The following GCFC2 variants were observed in gnomAD, a reference collection of about 807,000 sequenced individuals.
GCFC2 encodes intron Large complex component GCFC2.
A neutral mutation model predicts 99.4 loss-of-function variants in GCFC2; 102 were observed. That is an observed-to-expected ratio of 1.03 (90% CI 0.87 to 1.21). GCFC2 has a LOEUF of 1.21. GCFC2 is among the 50% of genes most tolerant of loss of function. GCFC2 has a pLI of 0.00. For synonymous variants in GCFC2, 338 were observed against 316.8 expected, an observed-to-expected ratio of 1.07 and a Z score of -0.71; for missense variants, 973 against 920.9, an observed-to-expected ratio of 1.06 and a Z score of -0.73.
At chr2:75,687,418 A>T (rs1022959653) in intron 11 of GCFC2, among the ~76,000 whole-genome samples, 3 of 152,142 alleles carry the variant, frequency 2.0e-5, no homozygotes, top group Non-Finnish European at 2.9e-5. Flanking sequence ...TAGAACAGAG[A>T]AGGTAAGTGA....
chr2:75,674,625 TTATTCA>T (rs1372899024), intron 12 of GCFC2, among the ~76,000 whole-genome samples: 1 of 151,996 alleles, frequency 6.6e-6, no homozygotes, highest in Non-Finnish European at 1.5e-5. Context: ...AATGATATTC[TTATTCA>T]TATTTGAAAA....
In GCFC2 at chr2:75,673,441, TA is replaced by T; in HGVS notation, c.1889+2del. On this transcript the variant is annotated splice_donor_variant, in intron 13 of 16. Coordinates refer to ENST00000321027, the MANE Select transcript of GCFC2 (RefSeq NM_003203.5). LOFTEE classifies it high-confidence loss of function. ...CAACAATCTAGAAATTAACAGCGCT[TA>T]CCTCTTTGGATACAGAGGAATAAAA... is the stretch of plus-strand genomic sequence containing the variant. The T allele has an allele frequency of 7.8e-7, 1 of 1,277,898 alleles. No individual in the cohort carries two copies. Among genetic ancestry groups the T allele is most frequent in the Non-Finnish European group, 1.1e-6 (1 of 874,448 alleles). The allele number at this position is 1,277,898 out of a possible 1,614,324, so 79.2% of individuals were successfully genotyped here. A position where few individuals can be genotyped will look rare whatever the true frequency, so the allele number is the denominator to read the frequency against.
chr2:75,688,045 A>AT, intron 10 of GCFC2, 68 bp from the exon 11 acceptor site: 1 of 938,784 alleles, frequency 1.1e-6, no homozygotes, highest in Non-Finnish European at 1.6e-6. Flanking sequence ...AATAGTTATT[A>AT]TTTTTTTCAA....
chr2:75,682,952 C>T (rs1403332831), intron 11 of GCFC2, among the ~76,000 whole-genome samples: 4 of 151,672 alleles, frequency 2.6e-5, no homozygotes, highest in African/African-American at 9.7e-5. Context: ...TGTGAAAAGA[C>T]CAAATCTATG....
At chr2:75,711,717 G>A (rs1345259313), upstream of GCFC2, among the ~76,000 whole-genome samples, 3 of 152,226 alleles carry the variant, frequency 2.0e-5, no homozygotes, top group Non-Finnish European at 2.9e-5. Flanking sequence ...TTGGCACCCG[G>A]GCCAGCGGCT....
chr2:75,689,202 T>C lies in GCFC2; in HGVS notation c.1363A>G (p.Lys455Glu), dbSNP rs1371586137. The change falls in exon 10 of 17, where the codon AAA becomes GAA. Residue 455 changes from lysine to glutamate, a missense_variant. By Grantham distance (56) the Lys-to-Glu change is moderately conservative. Coordinates refer to ENST00000321027, the MANE Select transcript of GCFC2 (RefSeq NM_003203.5). ...SQGDILQKQKKVFEEVQDDFC... is the reference protein window; with the variant it reads ...SQGDILQKQKEVFEEVQDDFC... ...TCATCTTGCACTTCTTCAAAAACTT[T>C]CTTCTGTTTCTGTAAAATGTCACCT... is the stretch of plus-strand genomic sequence containing the variant. 1.4e-5 allele frequency: 23 copies of C among 1,594,514 alleles called. No homozygotes were observed. The East Asian group carries it at 3.1e-4, about 22-fold the overall frequency.
intron 13 of GCFC2, among the ~76,000 whole-genome samples, chr2:75,672,763 G>C (rs985266640): frequency 2.6e-5 from 4 of 152,110 alleles, no homozygotes; most frequent in Admixed American, 2.0e-4. Flanking sequence ...CTGTGAGGTA[G>C]GCACTAATTT....
intron 9 of GCFC2, 72 bp from the exon 10 acceptor site, chr2:75,689,297 C>A: frequency 2.6e-6 from 2 of 779,294 alleles, no homozygotes; most frequent in South Asian, 3.2e-5. Context: ...AAAACACGGT[C>A]ATGATGGACT....
chr2:75,710,565 C>T (rs1255751112), intron 1 of GCFC2, 26 bp downstream of exon 1: 3 of 1,479,006 alleles, frequency 2.0e-6, no homozygotes, highest in Non-Finnish European at 2.7e-6. Context: ...CGTCACCTCC[C>T]CGCTTCCCCG....
Position 75,692,000 on chromosome 2 carries a change from G to T in GCFC2, c.1121C>A (p.Ser374Ter). The T allele has an allele frequency of 1.3e-6, 2 of 1,545,084 alleles. No homozygotes were observed. Among genetic ancestry groups the T allele is most frequent in the South Asian group, 2.5e-5 (2 of 79,630 alleles). Reference protein sequence around the residue: ...KRRQDELKHESTYLQQLSRKD... With the variant: ...KRRQDELKHE ...ACGTGATAACTGTTGTAAATACGTT[G>T]ATTCATGTTTTAATTCATCTTGCCT... Residue 374 changes from serine to a stop codon, truncating the protein, a stop_gained, in exon 7 of 17, where the codon TCA (serine) becomes TAA (stop). Coordinates refer to ENST00000321027, the MANE Select transcript of GCFC2 (RefSeq NM_003203.5). LOFTEE classifies it high-confidence loss of function.
In GCFC2 at chr2:75,710,833, G is replaced by A; in HGVS notation, c.23C>T (p.Thr8Ile). MAHRPKRTFRQRAADSSD... is the reference protein window; with the variant it reads MAHRPKRIFRQRAADSSD... ...GGAATCAGCCGCGCGCTGCCGAAAA[G>A]TCCTTTTCGGCCTGTGAGCCATGGC... The change falls in exon 1 of 17, where the codon ACT (threonine) becomes ATT (isoleucine). Residue 8 changes from threonine to isoleucine, a missense_variant. Transcript: ENST00000321027. 2 of 1,577,334 alleles carry A rather than the reference G, an allele frequency of 1.3e-6. No individual in the cohort carries two copies. The highest frequency in any genetic ancestry group is 8.5e-7 in the Non-Finnish European group (1 of 1,169,752).
At chr2:75,685,760 GA>G in intron 11 of GCFC2, among the ~76,000 whole-genome samples, 1 of 97,394 alleles carries the variant, frequency 1.0e-5, no homozygotes, top group East Asian at 2.3e-4. Flanking sequence ...CCCCCTTTAA[GA>G]CTCATGTATT....
At chr2:75,675,397 A>G (rs747344765) in intron 12 of GCFC2, among the ~76,000 whole-genome samples, 1 of 152,228 alleles carries the variant, frequency 6.6e-6, no homozygotes, top group Non-Finnish European at 1.5e-5. Flanking sequence ...CTTATTCATG[A>G]AAGTTTTCTT....
Position 75,672,022 on chromosome 2 carries a change from T to TA in GCFC2, c.1890-7dup, listed in dbSNP as rs779865744. The TA allele has an allele frequency of 2.7e-6, 4 of 1,502,642 alleles. No individual in the cohort carries two copies. In the Admixed American group the frequency reaches 5.0e-5, roughly 19 times the overall value. The allele number at this position is 1,502,642 out of a possible 1,614,324, so 93.1% of individuals were successfully genotyped here. On this transcript the variant is annotated splice_polypyrimidine_tract_variant and splice_region_variant and intron_variant, in intron 13 of 16. Transcript: ENST00000321027. ...ATGTTTTGTTTTCTACAGCACTAAT[T>TA]AGAAACAAACGAAAGAGAAGAGAAA...
Position 75,692,028 on chromosome 2 carries a change from G to A in GCFC2, c.1093C>T (p.Arg365Cys), listed in dbSNP as rs139984043. 8.0e-5 allele frequency: 124 copies of A among 1,558,372 alleles called. No homozygotes were observed. In the Admixed American group the frequency reaches 8.1e-4, roughly 10 times the overall value. Residue 365 changes from arginine to cysteine, a missense_variant, in exon 7 of 17, where the codon CGC becomes TGC. Physicochemically the swap from Arg to Cys is radical, Grantham distance 180. Coordinates refer to ENST00000321027, the MANE Select transcript of GCFC2 (RefSeq NM_003203.5). Reference protein sequence around the residue: ...LLKQAMTFMKRRQDELKHEST... With the variant: ...LLKQAMTFMKCRQDELKHEST... ...TCATGTTTTAATTCATCTTGCCTGC[G>A]TTTCATAAAGGTCATAGCTTGTTTT...
intron 5 of GCFC2, 183 bp from the exon 6 acceptor site, chr2:75,694,610 T>A: frequency 2.9e-6 from 1 of 350,434 alleles, no homozygotes; most frequent in East Asian, 4.3e-5. Flanking sequence ...GGCCAAATAT[T>A]CTCTCTTCAA....
At chr2:75,704,837 G>A (rs1340625779) in intron 2 of GCFC2, among the ~76,000 whole-genome samples, 1 of 152,006 alleles carries the variant, frequency 6.6e-6, no homozygotes, top group African/African-American at 2.4e-5. Flanking sequence ...CACCATGCCT[G>A]GCTAATTTTT....
rs1573089444 is a variant in GCFC2, at chr2:75,701,890, T to C, written c.619+309A>G. The C allele has an allele frequency of 6.6e-6, 7 of 1,063,594 alleles. No individual in the cohort carries two copies. The East Asian group carries it at 2.0e-4, about 31-fold the overall frequency. 65.9% of individuals were successfully genotyped at this position (1,063,594 alleles called of 1,614,324 possible). A position where few individuals can be genotyped will look rare whatever the true frequency, so the allele number is the denominator to read the frequency against. On this transcript the variant is annotated intron_variant, in intron 3 of 16. Transcript: ENST00000321027. ...ATGCTTCCATGTTAAAAAAAATATA[T>C]TTATACAGGTAAAAACGATCGTTTT...
rs144087576 is a variant in GCFC2 at position 75,695,083 on chromosome 2, C to T, written c.834-656G>A. On this transcript the variant is annotated intron_variant, in intron 5 of 16. Transcript: ENST00000321027. ...GTTATCCAGATAAAATAAAATGCTA[C>T]GATAAATCAATGATCTGCTGCCTCT... Among the ~76,000 whole-genome samples, 15 of 152,188 alleles carry T rather than the reference C, an allele frequency of 9.9e-5. No homozygotes were observed. The East Asian group carries it at 1.5e-3, about 16-fold the overall frequency.
Sources: gnomAD v4.1 joint callset for allele counts (sites outside exome capture counted in the v4.1 genomes callset) on GRCh38, gnomAD v4.1.1 for gene constraint, MANE v1.5 for transcripts, NCBI Gene and HGNC (gene_info 2026-07-23, HGNC 2026-07-21) for gene names.